Variants in NFAT5 observed in about 807,000 individuals in gnomAD.
The protein encoded by NFAT5 is nuclear factor of activated T-cells 5.
Under a neutral mutation model 166.5 loss-of-function variants are expected in NFAT5, and 31 were observed. That is an observed-to-expected ratio of 0.19 (90% CI 0.14 to 0.25). The LOEUF (loss-of-function observed/expected upper bound fraction) is 0.25, where lower values mean the gene tolerates loss of function less well. Among genes scored for constraint, NFAT5 ranks in the 10% least tolerant of loss-of-function variants. The pLI is 1.00. For missense variants in NFAT5, 1,449 were observed against 1,821.8 expected, an observed-to-expected ratio of 0.80 and a Z score of 3.72; for synonymous variants, 612 against 639.7, an observed-to-expected ratio of 0.96 and a Z score of 0.65.
At chr16:69,570,349 T>C (rs2016357058) in intron 2 of NFAT5, among the ~76,000 whole-genome samples, 1 of 152,104 alleles carries the variant, frequency 6.6e-6, no homozygotes, top group Middle Eastern at 3.2e-3. Context: ...CATTGCTATT[T>C]CTTTTTTATT....
At position 69,647,232 on chromosome 16, in the gene NFAT5, C is replaced by T. The variant is rs753289133; in HGVS notation, c.458C>T (p.Thr153Ile). The stretch of plus-strand genomic sequence containing the variant: ...AACACAGTTCAGCAGCATCCATCAA[C>T]ACCGAAGAGGCACACAGTCTTGTAC... The part of the protein sequence containing the change: ...TSNTVQQHPS[T>I]PKRHTVLYIS... The change falls in exon 4 of 15, where the codon ACA (threonine) becomes ATA (isoleucine). Residue 153 changes from threonine (T) to isoleucine (I), a missense_variant. Thr to Ile is a moderately conservative substitution (Grantham distance 89). Transcript: ENST00000349945. This position sits in a 1 kb window ranked among gnomAD's most constrained non-coding sequence, Gnocchi z 4.8. 16 of 1,613,978 alleles carry T rather than the reference C, an allele frequency of 9.9e-6. No individual in the cohort carries two copies. Among genetic ancestry groups the T allele is most frequent in the East Asian group, 8.9e-5 (4 of 44,900 alleles).
intron 3 of NFAT5, among the ~76,000 whole-genome samples, chr16:69,630,186 C>A (rs927624129): frequency 6.6e-6 from 1 of 151,930 alleles, no homozygotes; most frequent in African/African-American, 2.4e-5. Context: ...ATGGACCTGG[C>A]TGATTTTTGT....
chr16:69,695,528 T>C, intron 14 of NFAT5, 149 bp downstream of exon 14: 2 of 637,532 alleles, frequency 3.1e-6, no homozygotes, highest in Non-Finnish European at 5.4e-6. Flanking sequence ...TTATTCTGAA[T>C]GATAGCTTAT....
chr16:69,634,743 T>G (rs1012198763), intron 3 of NFAT5, among the ~76,000 whole-genome samples: 11 of 152,224 alleles, frequency 7.2e-5, no homozygotes, highest in Non-Finnish European at 1.5e-4. Flanking sequence ...TATTTGTTTA[T>G]TTTTCTCACA....
At chr16:69,622,503 G>A (rs1191233971) in intron 2 of NFAT5, among the ~76,000 whole-genome samples, 1 of 152,132 alleles carries the variant, frequency 6.6e-6, no homozygotes, top group Non-Finnish European at 1.5e-5. Context: ...GAGAGGGGTG[G>A]AATATAACAA....
chr16:69,584,064 A>C (rs1014434828), intron 2 of NFAT5, among the ~76,000 whole-genome samples: 10 of 151,940 alleles, frequency 6.6e-5, no homozygotes, highest in African/African-American at 2.4e-4. Flanking sequence ...ATCTCTACTA[A>C]AAATACAAAA....
At chr16:69,616,361 A>G (rs17231474) in intron 2 of NFAT5, among the ~76,000 whole-genome samples, 8,965 of 151,830 alleles carry the variant, frequency 0.059, 291 homozygotes, top group Middle Eastern at 0.11. Flanking sequence ...CCTCATTACT[A>G]CTTAGGTTAT....
chr16:69,603,392 T>C (rs923567320), intron 2 of NFAT5, among the ~76,000 whole-genome samples: 28 of 152,208 alleles, frequency 1.8e-4, no homozygotes, highest in African/African-American at 6.5e-4. Flanking sequence ...TAATTTGCAG[T>C]GTTTATATTT....
chr16:69,684,310 CAG>C (rs924711231), intron 10 of NFAT5, among the ~76,000 whole-genome samples: 70 of 148,508 alleles, frequency 4.7e-4, no homozygotes, highest in Non-Finnish European at 9.5e-4. Context: ...CCTGTAATCC[CAG>C]CAATTTGGGA....
intron 2 of NFAT5, among the ~76,000 whole-genome samples, chr16:69,606,282 C>G (rs1277497872): frequency 6.6e-6 from 1 of 152,112 alleles, no homozygotes; most frequent in Admixed American, 6.6e-5. Flanking sequence ...AACTCAAGTG[C>G]CTATAGGGCA....
chr16:69,659,842 A>G lies in NFAT5; in HGVS notation c.1312A>G (p.Met438Val). 3 of 1,614,092 alleles carry G rather than the reference A, an allele frequency of 1.9e-6. No individual in the cohort carries two copies. Among genetic ancestry groups the G allele is most frequent in the East Asian group, 2.2e-5 (1 of 44,868 alleles). The change falls in exon 7 of 15, where the codon ATG (methionine) becomes GTG (valine). Residue 438 changes from methionine to valine, a missense_variant. Coordinates refer to ENST00000349945, the MANE Select transcript of NFAT5 (RefSeq NM_138713.4). ...RARLVFRVNI[M>V]RKDGSTLTLQ... Reference sequence around the variant, plus strand: ...CAGATTGGTTTTTCGAGTTAATATCATGAGGAAAGATGGCTCCACTTTGAC... The same window carrying G: ...CAGATTGGTTTTTCGAGTTAATATCGTGAGGAAAGATGGCTCCACTTTGAC...
chr16:69,674,241 C>CAAAAA (rs59975972), intron 9 of NFAT5, among the ~76,000 whole-genome samples: 4 of 71,354 alleles, frequency 5.6e-5, no homozygotes, highest in Non-Finnish European at 1.1e-4. Flanking sequence ...GAAACTGTCT[C>CAAAAA]AAAAAAAAAA....
chr16:69,678,831 A>C (rs554829942), intron 10 of NFAT5, among the ~76,000 whole-genome samples: 3 of 152,372 alleles, frequency 2.0e-5, no homozygotes, highest in South Asian at 2.1e-4. Context: ...GCAAAGAAAG[A>C]AAGCCCTGGC....
chr16:69,605,712 C>G (rs1356380348), intron 2 of NFAT5, among the ~76,000 whole-genome samples: 1 of 145,410 alleles, frequency 6.9e-6, no homozygotes, highest in Non-Finnish European at 1.5e-5. Flanking sequence ...TCCCTTTTTT[C>G]TTTTTTTTTT....
At chr16:69,651,342 T>A (rs1319219512) in intron 4 of NFAT5, among the ~76,000 whole-genome samples, 4 of 152,220 alleles carry the variant, frequency 2.6e-5, no homozygotes, top group African/African-American at 9.7e-5. Context: ...TTTCATTCCT[T>A]CTTTGCTCCA....
chr16:69,695,257 A>C lies in NFAT5; in HGVS notation c.4536A>C (p.Gln1512His). The C allele has an allele frequency of 6.2e-7, 1 of 1,614,176 alleles. No homozygotes were observed. The highest frequency in any genetic ancestry group is 8.5e-7 in the Non-Finnish European group (1 of 1,180,022). ...CTGTGACAACACTTCTTTCTCAGCA[A>C]ATGCCAGAGAATTCTCCACTGGCAT... ...QPPVTTLLSQ[Q>H]MPENSPLASS... Residue 1512 changes from glutamine to histidine, a missense_variant, in exon 14 of 15, where the codon CAA becomes CAC. Coordinates refer to ENST00000349945, the MANE Select transcript of NFAT5 (RefSeq NM_138713.4).
In NFAT5 at chr16:69,568,376, G is replaced by GTA. The variant is rs144294785; in HGVS notation, c.74-102_74-101dup. On this transcript the variant is annotated intron_variant, in intron 1 of 14. Coordinates refer to ENST00000349945, the MANE Select transcript of NFAT5 (RefSeq NM_138713.4). ...TGTGTGTGTGTGTGTGTGTGTGTGT[G>GTA]TATATATATATATATATACACACAC... The GTA allele has an allele frequency of 1.2e-3, 343 of 288,298 alleles. 1 individual carries two copies. The highest frequency in any genetic ancestry group is 2.9e-3 in the South Asian group (72 of 24,682). 17.9% of individuals were successfully genotyped at this position (288,298 alleles called of 1,614,324 possible). A position where few individuals can be genotyped will look rare whatever the true frequency, so the allele number is the denominator to read the frequency against.
At position 69,566,124 on chromosome 16, in the gene NFAT5, G is replaced by T. The variant is rs2016015318; in HGVS notation, c.-178G>T. ...CCCCGTGGAGTTCCCCCTCCACCTC[G>T]CCATCGTTTCCTCGGTCCTCGGCCC... On this transcript the variant is annotated 5_prime_UTR_variant, in exon 1 of 15. Coordinates refer to ENST00000349945, the MANE Select transcript of NFAT5 (RefSeq NM_138713.4). This position sits in a 1 kb window ranked among gnomAD's most constrained non-coding sequence, Gnocchi z 5.7. 3.5e-6 allele frequency: 2 copies of T among 565,798 alleles called. No homozygotes were observed. Among genetic ancestry groups the T allele is most frequent in the South Asian group, 4.3e-5 (2 of 46,316 alleles). 35.0% of individuals were successfully genotyped at this position (565,798 alleles called of 1,614,324 possible). A position where few individuals can be genotyped will look rare whatever the true frequency, so the allele number is the denominator to read the frequency against.
intron 3 of NFAT5, among the ~76,000 whole-genome samples, chr16:69,627,155 A>T (rs1459342076): frequency 6.6e-6 from 1 of 151,416 alleles, no homozygotes; most frequent in Non-Finnish European, 1.5e-5. Context: ...ACTTAATGAT[A>T]TACAATTGGC....
Sources: gnomAD v4.1 joint callset for allele counts (sites outside exome capture counted in the v4.1 genomes callset) on GRCh38, gnomAD v4.1.1 for gene constraint, Gnocchi (gnomAD v3.1) non-coding constraint, MANE v1.5 for transcripts, NCBI Gene and HGNC (gene_info 2026-07-23, HGNC 2026-07-21) for gene names.